Variants in DNAAF4 observed in about 807,000 individuals in gnomAD.
DNAAF4 encodes the protein dynein assembly factor 4, axonemal.
A neutral mutation model predicts 51.8 loss-of-function variants in DNAAF4; 43 were observed. That is an observed-to-expected ratio of 0.83 (90% CI 0.65 to 1.07). DNAAF4 has a LOEUF of 1.07. DNAAF4 is among the 50% of genes least tolerant of loss of function. The pLI is 0.00. For missense variants in DNAAF4, 581 were observed against 493.0 expected (o/e 1.18, Z -1.69); for synonymous variants, 194 against 165.6 (o/e 1.17, Z -1.32).
chr15:55,432,214 G>A (rs1308447207), intron 9 of DNAAF4, among the ~76,000 whole-genome samples: 2 of 152,002 alleles, frequency 1.3e-5, no homozygotes, highest in Admixed American at 6.6e-5. Context: ...GCCTCCCAAA[G>A]TGCTGGGATT....
intron 6 of DNAAF4, among the ~76,000 whole-genome samples, chr15:55,440,278 C>A (rs1191479478): frequency 1.3e-5 from 2 of 152,016 alleles, no homozygotes; most frequent in African/African-American, 4.8e-5. Flanking sequence ...GTATTGAACA[C>A]ATGACCTCGT....
chr15:55,447,026 G>A (rs1404844353), intron 6 of DNAAF4, among the ~76,000 whole-genome samples: 32 of 147,366 alleles, frequency 2.2e-4, no homozygotes, highest in Non-Finnish European at 3.9e-4. Context: ...CTTCCCAGAC[G>A]GGGCAGCCGG....
chr15:55,486,010 A>G (rs1242933190), intron 4 of DNAAF4, among the ~76,000 whole-genome samples: 1 of 149,816 alleles, frequency 6.7e-6, no homozygotes, highest in Non-Finnish European at 1.5e-5. Context: ...AAAAAAAAAA[A>G]AAAAGGAGGC....
At chr15:55,483,135 C>A (rs1386492317) in intron 4 of DNAAF4, among the ~76,000 whole-genome samples, 4 of 151,992 alleles carry the variant, frequency 2.6e-5, no homozygotes, top group Admixed American at 2.6e-4. Flanking sequence ...TTTGCTCTGT[C>A]GCTTAGGCTG....
intron 4 of DNAAF4, among the ~76,000 whole-genome samples, chr15:55,481,638 C>G (rs946345812): frequency 1.1e-4 from 16 of 152,288 alleles, no homozygotes; most frequent in African/African-American, 3.4e-4. Context: ...GGACTCTGCC[C>G]TAATCCGCAC....
chr15:55,421,904 TAATA>T lies in DNAAF4; in HGVS notation c.1048-3775_1048-3772del, dbSNP rs1171299566. Among the ~76,000 whole-genome samples the T allele has an allele frequency of 5.6e-4, 11 of 19,598 alleles. No individual in the cohort carries two copies. In the East Asian group the frequency reaches 0.073, roughly 129 times the overall value. 12.9% of individuals were successfully genotyped at this position (19,598 alleles called of 152,430 possible). On this transcript the variant is annotated intron_variant, in intron 7 of 7. Coordinates refer to the DNAAF4 transcript ENST00000448430. ...AACTCCGTCTCAAAAAAATGTATAA[TAATA>T]ATAATAATAATAATAATAATAATAA...
intron 9 of DNAAF4, among the ~76,000 whole-genome samples, 190 bp downstream of exon 9, chr15:55,432,307 T>C (rs2057509175): frequency 6.6e-6 from 1 of 152,200 alleles, no homozygotes; most frequent in Admixed American, 6.5e-5. Context: ...AATTCTCTTC[T>C]ACAATGAATT....
At chr15:55,418,173 T>G (rs756662427) in intron 7 of DNAAF4, 1 of 1,558,330 alleles carries the variant, frequency 6.4e-7, no homozygotes, top group Admixed American at 2.1e-5. Flanking sequence ...TAAATTTTTT[T>G]TTTTTCAGAA....
At chr15:55,418,056 G>T (rs753094976) in exon 8 of DNAAF4, 3 of 1,410,198 alleles carry the variant, frequency 2.1e-6, no homozygotes, top group Non-Finnish European at 2.9e-6. Flanking sequence ...GGATGTATAC[G>T]TGCAGGTCAC....
chr15:55,433,434 G>A (rs2057528657), intron 8 of DNAAF4, among the ~76,000 whole-genome samples: 1 of 151,956 alleles, frequency 6.6e-6, no homozygotes, highest in African/African-American at 2.4e-5. Context: ...AGACCATCCT[G>A]GCTAACACGG....
intron 6 of DNAAF4, among the ~76,000 whole-genome samples, chr15:55,441,923 A>G (rs1458768849): frequency 1.3e-5 from 2 of 152,346 alleles, no homozygotes; most frequent in African/African-American, 2.4e-5. Context: ...GTGTTCAGAT[A>G]CAACAAAGCT....
intron 7 of DNAAF4, 141 bp downstream of exon 7, chr15:55,439,331 A>T (rs2057669561): frequency 4.6e-6 from 3 of 647,908 alleles, no homozygotes; most frequent in Non-Finnish European, 7.9e-6. Context: ...GTTGGTCTCA[A>T]ACTTCTGGCT....
rs2058567059 is a variant in DNAAF4, at chr15:55,491,234, T to G, written c.294A>C (p.Arg98Ser). The stretch of plus-strand genomic sequence containing the variant: ...CTTGTAAAATAGATTTTTCTCTAAT[T>G]CTTTGCATCATCTCTTTGTCAACTA... The part of the protein sequence containing the change: ...VTGVDKEMMQ[R>S]IREKSILQAQ... The change falls in exon 4 of 10, where the codon AGA becomes AGC. Residue 98 changes from arginine to serine, a missense_variant. Arg to Ser is a moderately radical substitution (Grantham distance 110). Coordinates refer to ENST00000321149, the MANE Select transcript of DNAAF4 (RefSeq NM_130810.4). 3.7e-6 allele frequency: 6 copies of G among 1,613,054 alleles called. No homozygotes were observed. The East Asian group carries it at 6.7e-5, about 18-fold the overall frequency.
chr15:55,448,663 A>G (rs1205010286), intron 6 of DNAAF4, among the ~76,000 whole-genome samples: 1 of 151,530 alleles, frequency 6.6e-6, no homozygotes, highest in Non-Finnish European at 1.5e-5. Context: ...AGTTCAGGAG[A>G]TTGAGACCAT....
At chr15:55,466,214 C>T (rs1048576167) in intron 5 of DNAAF4, among the ~76,000 whole-genome samples, 5 of 152,070 alleles carry the variant, frequency 3.3e-5, no homozygotes, top group Non-Finnish European at 7.4e-5. Flanking sequence ...CTTGAGCTCA[C>T]GAGTTCAAGA....
At chr15:55,501,379 T>TC (rs1433122723) in intron 1 of DNAAF4, among the ~76,000 whole-genome samples, 57 of 139,478 alleles carry the variant, frequency 4.1e-4, no homozygotes, top group East Asian at 3.5e-3. Context: ...TTTCTTTCTT[T>TC]TTTTTTTTTT....
chr15:55,507,265 C>T (rs1188276710), intron 1 of DNAAF4, among the ~76,000 whole-genome samples: 3 of 152,084 alleles, frequency 2.0e-5, no homozygotes, highest in Non-Finnish European at 4.4e-5. Context: ...CTGATAAACC[C>T]ATCATAAGTT....
chr15:55,458,432 G>A (rs2058050385), intron 5 of DNAAF4, among the ~76,000 whole-genome samples: 1 of 152,002 alleles, frequency 6.6e-6, no homozygotes, highest in Admixed American at 6.6e-5. Context: ...ACAAGTAGAA[G>A]AAATAACTTC....
chr15:55,498,911 CA>C lies in DNAAF4; in HGVS notation c.-255-328del, dbSNP rs79964530. Among the ~76,000 whole-genome samples, 17,841 of 104,532 alleles carry C rather than the reference CA, an allele frequency of 0.17. 3,548 individuals carry two copies. The highest frequency in any genetic ancestry group is 0.49 in the African/African-American group (16,289 of 33,286). The allele number at this position is 104,532 out of a possible 152,430, so 68.6% of individuals were successfully genotyped here. On this transcript the variant is annotated intron_variant, in intron 1 of 9. Transcript: ENST00000321149. Reference sequence around the variant, plus strand: ...GGGAAACAAGAGCGAAACTCCGTCTCAAAAAAAAAAAAAGAAAAGAAAAAGA... The same window carrying C: ...GGGAAACAAGAGCGAAACTCCGTCTCAAAAAAAAAAAAGAAAAGAAAAAGA...
Sources: allele counts gnomAD v4.1 joint callset (sites outside exome capture counted in the v4.1 genomes callset), GRCh38; gene constraint gnomAD v4.1.1; transcripts MANE v1.5; gene names NCBI Gene and HGNC (gene_info 2026-07-23, HGNC 2026-07-21).